Variants in CCDC158 observed in about 807,000 individuals in gnomAD.
CCDC158 encodes coiled-coil domain-containing protein 158.
In CCDC158, 116 loss-of-function variants were observed where a neutral mutation model predicts 138.6. That is an observed-to-expected ratio of 0.84 (90% CI 0.72 to 0.98). The LOEUF (loss-of-function observed/expected upper bound fraction) is 0.98. Ranked by LOEUF, CCDC158 falls within the 50% of genes least tolerant of loss-of-function variation. The pLI is 0.00. For synonymous variants in CCDC158, 436 were observed against 442.4 expected, an observed-to-expected ratio of 0.99 and a Z score of 0.18; for missense variants, 1,265 against 1,306.1, an observed-to-expected ratio of 0.97 and a Z score of 0.48.
intron 18 of CCDC158, among the ~76,000 whole-genome samples, chr4:76,346,900 A>G (rs1722603334): frequency 1.3e-5 from 2 of 152,220 alleles, no homozygotes; most frequent in Admixed American, 1.3e-4. Flanking sequence ...AGAAGAAGAT[A>G]TTTATGAGGC....
At chr4:76,355,280 T>C (rs751016270) in intron 15 of CCDC158, 44 bp downstream of exon 15, 1 of 1,221,660 alleles carries the variant, frequency 8.2e-7, no homozygotes, top group South Asian at 1.2e-5. Context: ...GGTCTGCCTG[T>C]GAGTGAACAT....
chr4:76,418,238 C>T (rs1205732220), intron 1 of CCDC158, among the ~76,000 whole-genome samples: 1 of 152,084 alleles, frequency 6.6e-6, no homozygotes, highest in Non-Finnish European at 1.5e-5. Context: ...CTGAAGTAGG[C>T]CAGTCATTAA....
intron 2 of CCDC158, among the ~76,000 whole-genome samples, chr4:76,409,797 C>T (rs1164318020): frequency 2.0e-5 from 3 of 151,828 alleles, no homozygotes; most frequent in African/African-American, 7.3e-5. Flanking sequence ...CGCCACTGCA[C>T]TCCAGCCTGG....
intron 18 of CCDC158, chr4:76,345,115 C>T (rs980837559): frequency 2.6e-5 from 30 of 1,147,028 alleles, no homozygotes; most frequent in Non-Finnish European, 4.0e-5. Context: ...TATATCCACA[C>T]TGCAGCCTGC....
At position 76,384,675 on chromosome 4, in the gene CCDC158, A is replaced by T; in HGVS notation, c.289-10T>A. The T allele has an allele frequency of 1.3e-6, 2 of 1,579,886 alleles. No homozygotes were observed. The highest frequency in any genetic ancestry group is 4.5e-5 in the East Asian group (2 of 44,670). On this transcript the variant is annotated splice_polypyrimidine_tract_variant and intron_variant, in intron 4 of 24. Coordinates refer to ENST00000682701, the MANE Select transcript of CCDC158 (RefSeq NM_001394954.1). ...CATGCAATTCATTGCTCTGAAAAAA[A>T]AAGCCATGCAAATTAATCTTCATTA...
intron 9 of CCDC158, among the ~76,000 whole-genome samples, chr4:76,377,050 A>G (rs952693671): frequency 2.0e-5 from 3 of 152,216 alleles, no homozygotes; most frequent in Admixed American, 2.0e-4. Flanking sequence ...CTACAATGCC[A>G]AAGATTTAAA....
chr4:76,364,826 G>A (rs764816590), intron 12 of CCDC158, among the ~76,000 whole-genome samples: 9 of 152,334 alleles, frequency 5.9e-5, no homozygotes, highest in Non-Finnish European at 1.3e-4. Flanking sequence ...TGATACATCT[G>A]AAATATAGCC....
chr4:76,417,381 A>C (rs1002572361), intron 1 of CCDC158, among the ~76,000 whole-genome samples: 7 of 152,158 alleles, frequency 4.6e-5, no homozygotes, highest in Non-Finnish European at 1.5e-5. Flanking sequence ...TTTTGCATTA[A>C]TGCTGAAATG....
At chr4:76,399,509 A>G (rs745370153) in intron 3 of CCDC158, among the ~76,000 whole-genome samples, 21 of 152,196 alleles carry the variant, frequency 1.4e-4, no homozygotes, top group Non-Finnish European at 2.6e-4. Context: ...AAAGCTGTCC[A>G]TTGGACTTAG....
Position 76,377,523 on chromosome 4 carries a change from AGCCCCTCCT to A in CCDC158, c.1029+1758_1029+1766del, listed in dbSNP as rs139393176. Among the ~76,000 whole-genome samples the A allele has an allele frequency of 9.1e-4, 139 of 152,254 alleles. No individual in the cohort carries two copies. In the East Asian group the frequency reaches 0.027, roughly 29 times the overall value. ...TCCCACCTCATGGTGCACTAAAATCAGCCCCTCCTGCTGTTGTCTGCAGGGTGCGGTCAT... is the reference window on the plus strand; with the variant it reads ...TCCCACCTCATGGTGCACTAAAATCAGCTGTTGTCTGCAGGGTGCGGTCAT... On this transcript the variant is annotated intron_variant, in intron 9 of 24. Coordinates refer to ENST00000682701, the MANE Select transcript of CCDC158 (RefSeq NM_001394954.1).
rs747344844 is a variant in CCDC158, at chr4:76,396,331, A to G, written c.226T>C (p.Phe76Leu). Residue 76 changes from phenylalanine to leucine, a missense_variant, in exon 4 of 25, where the codon TTT becomes CTT. Physicochemically the swap from Phe to Leu is conservative, Grantham distance 22. Coordinates refer to ENST00000682701, the MANE Select transcript of CCDC158 (RefSeq NM_001394954.1). ...KIIPSPGKEH[F>L]ERVLEEYSHQ... ...GAATATTCTTCCAAAACACGTTCAAAGTGTTCCTTTCCAGGAGATGGGATG... is the reference window on the plus strand; with the variant it reads ...GAATATTCTTCCAAAACACGTTCAAGGTGTTCCTTTCCAGGAGATGGGATG... The G allele has an allele frequency of 6.2e-7, 1 of 1,614,004 alleles. No homozygotes were observed. Among genetic ancestry groups the G allele is most frequent in the Non-Finnish European group, 8.5e-7 (1 of 1,179,930 alleles).
At chr4:76,331,280 T>C in intron 21 of CCDC158, 64 bp downstream of exon 21, 2 of 1,411,518 alleles carry the variant, frequency 1.4e-6, no homozygotes, top group Non-Finnish European at 2.0e-6. Context: ...GTTAAAGATC[T>C]TTTGAATTAA....
chr4:76,403,847 C>T (rs923126470), intron 2 of CCDC158, among the ~76,000 whole-genome samples: 2 of 152,116 alleles, frequency 1.3e-5, no homozygotes, highest in Non-Finnish European at 2.9e-5. Flanking sequence ...AAATCTTTTT[C>T]CAAAACAATT....
chr4:76,315,291 A>G (rs914850165), intron 24 of CCDC158, among the ~76,000 whole-genome samples: 1 of 152,094 alleles, frequency 6.6e-6, no homozygotes, highest in East Asian at 1.9e-4. Context: ...GCTCAGACCC[A>G]CCTAACTCTG....
intron 11 of CCDC158, among the ~76,000 whole-genome samples, chr4:76,368,146 C>T (rs1049532861): frequency 7.9e-5 from 12 of 152,074 alleles, no homozygotes; most frequent in Non-Finnish European, 1.5e-4. Context: ...TAAATAATAA[C>T]GCTCCTCCAC....
At chr4:76,379,250 T>C (rs1271505723) in intron 9 of CCDC158, 40 bp downstream of exon 9, 4 of 1,140,848 alleles carry the variant, frequency 3.5e-6, no homozygotes, top group South Asian at 1.5e-5. Context: ...ATTCTGGATA[T>C]TAAAGTCTCT....
chr4:76,360,025 C>G (rs1167382509), intron 13 of CCDC158, among the ~76,000 whole-genome samples: 7 of 152,254 alleles, frequency 4.6e-5, no homozygotes. Flanking sequence ...CAGAGCCCTG[C>G]TGCACTGTGC....
intron 3 of CCDC158, among the ~76,000 whole-genome samples, chr4:76,402,561 C>T (rs1728490914): frequency 6.6e-6 from 1 of 152,206 alleles, no homozygotes; most frequent in Non-Finnish European, 1.5e-5. Context: ...TCCCTTTAGG[C>T]TTTGCAGCTC....
chr4:76,400,105 G>GT (rs1021192313), intron 3 of CCDC158, among the ~76,000 whole-genome samples: 4 of 151,702 alleles, frequency 2.6e-5, no homozygotes, highest in Admixed American at 2.0e-4. Context: ...TGTGATTTTC[G>GT]TATGTTTATT....
Sources: allele counts gnomAD v4.1 joint callset (sites outside exome capture counted in the v4.1 genomes callset), GRCh38; gene constraint gnomAD v4.1.1; transcripts MANE v1.5; gene names NCBI Gene and HGNC (gene_info 2026-07-23, HGNC 2026-07-21).